RAB11FIP4: variants seen among roughly 807,000 people sequenced by gnomAD.
The protein encoded by RAB11FIP4 is rab11 family-interacting protein 4.
A neutral mutation model predicts 74.3 loss-of-function variants in RAB11FIP4; 23 were observed. The observed-to-expected ratio is 0.31, with a 90% CI of 0.22 to 0.44. The LOEUF is 0.44. Ranked by LOEUF, RAB11FIP4 falls within the 20% of genes least tolerant of loss-of-function variation. RAB11FIP4 has a pLI of 1.00. For missense variants in RAB11FIP4, 630 were observed against 863.9 expected, an observed-to-expected ratio of 0.73 and a Z score of 3.39; for synonymous variants, 360 against 359.9, an observed-to-expected ratio of 1.00 and a Z score of 0.00.
chr17:31,429,633 C>A (rs2071286811), intron 1 of RAB11FIP4, among the ~76,000 whole-genome samples: 1 of 152,168 alleles, frequency 6.6e-6, no homozygotes, highest in Non-Finnish European at 1.5e-5. Context: ...TGGAGACCAG[C>A]CTGGCCAACA....
chr17:31,468,703 A>G lies in RAB11FIP4; in HGVS notation c.336+34581A>G, dbSNP rs150658465. Among the ~76,000 whole-genome samples, 40 of 152,128 alleles carry G rather than the reference A, an allele frequency of 2.6e-4. No individual in the cohort carries two copies. In the East Asian group the frequency reaches 3.7e-3, roughly 14 times the overall value. On this transcript the variant is annotated intron_variant, in intron 3 of 14. Transcript: ENST00000621161. ...AAATTAGCTGGGTGTGGTGGTGGGC[A>G]CCTGTAATCCCAGCTACTCAGGAGG...
chr17:31,476,889 A>G (rs2071799317), intron 3 of RAB11FIP4, among the ~76,000 whole-genome samples: 1 of 152,218 alleles, frequency 6.6e-6, no homozygotes, highest in African/African-American at 2.4e-5. Flanking sequence ...CAGGGGAGGC[A>G]CAAAGGAGGC....
chr17:31,453,490 A>G (rs1295411650), intron 3 of RAB11FIP4, among the ~76,000 whole-genome samples: 1 of 151,870 alleles, frequency 6.6e-6, no homozygotes, highest in African/African-American at 2.4e-5. Flanking sequence ...AGCCTCCCTG[A>G]GCCTCACTTT....
At chr17:31,493,401 C>A (rs1268078374) in intron 3 of RAB11FIP4, among the ~76,000 whole-genome samples, 3 of 151,710 alleles carry the variant, frequency 2.0e-5, no homozygotes, top group Non-Finnish European at 2.9e-5. Context: ...TCACCCCCCA[C>A]CCCCCTGCGC....
At chr17:31,446,658 G>C (rs972244874) in intron 3 of RAB11FIP4, among the ~76,000 whole-genome samples, 7 of 151,716 alleles carry the variant, frequency 4.6e-5, no homozygotes, top group Non-Finnish European at 1.0e-4. Context: ...CCCCCCCCAC[G>C]TCTTTGGGGG....
intron 2 of RAB11FIP4, among the ~76,000 whole-genome samples, chr17:31,432,146 TC>T (rs1358752503): frequency 6.6e-6 from 1 of 152,180 alleles, no homozygotes; most frequent in Non-Finnish European, 1.5e-5. Flanking sequence ...TCTGCCCGCC[TC>T]TGGAGAAAGC....
At chr17:31,395,853 C>T (rs1361959653) in intron 1 of RAB11FIP4, among the ~76,000 whole-genome samples, 2 of 152,034 alleles carry the variant, frequency 1.3e-5, no homozygotes, top group Non-Finnish European at 2.9e-5. Flanking sequence ...CCTGATAGTT[C>T]CCTACTTTGT....
At chr17:31,501,414 A>C (rs1304053152) in intron 3 of RAB11FIP4, among the ~76,000 whole-genome samples, 2 of 152,192 alleles carry the variant, frequency 1.3e-5, no homozygotes, top group African/African-American at 2.4e-5. Context: ...GTGCCCAAAC[A>C]CTTACTTTAG....
intron 1 of RAB11FIP4, among the ~76,000 whole-genome samples, chr17:31,428,334 C>T (rs996997958): frequency 5.3e-5 from 8 of 152,178 alleles, no homozygotes; most frequent in Admixed American, 5.2e-4. Flanking sequence ...GGTTTGGCTT[C>T]GGTGCCTGTG....
Position 31,418,531 on chromosome 17 carries a change from A to G in RAB11FIP4, c.160-13282A>G, listed in dbSNP as rs895905632. Among the ~76,000 whole-genome samples, 5 of 134,288 alleles carry G rather than the reference A, an allele frequency of 3.7e-5. No individual in the cohort carries two copies. In the Admixed American group the frequency reaches 4.3e-4, roughly 11 times the overall value. 88.1% of individuals were successfully genotyped at this position (134,288 alleles called of 152,430 possible). The stretch of plus-strand genomic sequence containing the variant: ...CAGGCTGGAGTGCAGTGGCACAATC[A>G]CAGTTCACTGCAGCCTTGACTTCCC... On this transcript the variant is annotated intron_variant, in intron 1 of 14. Coordinates refer to ENST00000621161, the MANE Select transcript of RAB11FIP4 (RefSeq NM_032932.6).
chr17:31,392,204 C>G, intron 1 of RAB11FIP4, 193 bp downstream of exon 1: 1 of 393,580 alleles, frequency 2.5e-6, no homozygotes, highest in South Asian at 1.2e-4. Context: ...GCTTTCCGCC[C>G]CCCGGCGCCC....
chr17:31,438,272 C>G (rs2071378353), intron 3 of RAB11FIP4, among the ~76,000 whole-genome samples: 1 of 152,052 alleles, frequency 6.6e-6, no homozygotes, highest in African/African-American at 2.4e-5. Flanking sequence ...TTGCTAGGGG[C>G]CCGTGGTCAC....
chr17:31,530,734 C>T (rs773118177), intron 14 of RAB11FIP4, among the ~76,000 whole-genome samples: 1 of 152,196 alleles, frequency 6.6e-6, no homozygotes, highest in Admixed American at 6.5e-5. Context: ...AGAAAAATGC[C>T]AACATAGCCA....
intron 9 of RAB11FIP4, chr17:31,524,631 G>A: frequency 5.2e-6 from 1 of 191,674 alleles, no homozygotes; most frequent in South Asian, 8.8e-5. Flanking sequence ...GGCTGTCACT[G>A]GGGTGCTCAC....
chr17:31,477,418 C>A (rs1014494413), intron 3 of RAB11FIP4, among the ~76,000 whole-genome samples: 1 of 152,224 alleles, frequency 6.6e-6, no homozygotes, highest in African/African-American at 2.4e-5. Context: ...GTGCTCCCCG[C>A]CCACCCTCCT....
At chr17:31,522,217 T>G in intron 6 of RAB11FIP4, 143 bp from the exon 7 acceptor site, 1 of 1,269,874 alleles carries the variant, frequency 7.9e-7, no homozygotes, top group East Asian at 2.3e-5. Context: ...AGGCTGTTTC[T>G]TCTCAGGACC....
chr17:31,529,266 GTTGTTTTT>G (rs890844782), intron 13 of RAB11FIP4, among the ~76,000 whole-genome samples: 1 of 151,918 alleles, frequency 6.6e-6, no homozygotes, highest in Non-Finnish European at 1.5e-5. Flanking sequence ...CCCAGCTAAT[GTTGTTTTT>G]GTTTTTTGAG....
chr17:31,415,863 C>T (rs1039929395), intron 1 of RAB11FIP4, among the ~76,000 whole-genome samples: 1 of 152,174 alleles, frequency 6.6e-6, no homozygotes, highest in African/African-American at 2.4e-5. Context: ...CTGCCTGTCC[C>T]TTCCCGGGGG....
At chr17:31,394,775 C>T (rs907657474) in intron 1 of RAB11FIP4, among the ~76,000 whole-genome samples, 2 of 152,066 alleles carry the variant, frequency 1.3e-5, no homozygotes, top group African/African-American at 4.8e-5. Flanking sequence ...CAGGGCAGGA[C>T]CATGGACAGG....
Sources: allele counts gnomAD v4.1 joint callset (sites outside exome capture counted in the v4.1 genomes callset), GRCh38; gene constraint gnomAD v4.1.1; transcripts MANE v1.5; gene names NCBI Gene and HGNC (gene_info 2026-07-23, HGNC 2026-07-21).